The following TBC1D5 variants were observed in gnomAD, a reference collection of about 807,000 sequenced individuals.
TBC1D5 encodes the protein TBC1 domain family, member 5.
In TBC1D5, 75 loss-of-function variants were observed where a neutral mutation model predicts 100.3. The observed-to-expected ratio is 0.75, with a 90% CI of 0.62 to 0.91. TBC1D5 has a LOEUF of 0.91. Ranked by LOEUF, TBC1D5 falls within the 40% of genes least tolerant of loss-of-function variation. TBC1D5 has a pLI of 0.00. For synonymous variants in TBC1D5, 323 were observed against 325.6 expected, an observed-to-expected ratio of 0.99 and a Z score of 0.09; for missense variants, 910 against 942.4, an observed-to-expected ratio of 0.97 and a Z score of 0.45.
chr3:17,174,125 A>G (rs958701378), intron 19 of TBC1D5, among the ~76,000 whole-genome samples: 1 of 152,052 alleles, frequency 6.6e-6, no homozygotes, highest in Non-Finnish European at 1.5e-5. Context: ...CAAACTTACC[A>G]CGTCTAAGCA....
intron 2 of TBC1D5, chr3:17,576,558 A>C (rs1034574539): frequency 1.3e-5 from 2 of 152,024 alleles, no homozygotes; most frequent in African/African-American, 4.8e-5. Context: ...TTCTAAAACA[A>C]AATGGATAAA....
At chr3:17,494,084 G>A (rs1347718746) in intron 3 of TBC1D5, among the ~76,000 whole-genome samples, 1 of 152,134 alleles carries the variant, frequency 6.6e-6, no homozygotes, top group East Asian at 1.9e-4. Context: ...TGAGGCTGTT[G>A]ATCTTTGGAT....
chr3:17,566,511 CT>C (rs1430827626), intron 2 of TBC1D5, among the ~76,000 whole-genome samples: 1 of 151,830 alleles, frequency 6.6e-6, no homozygotes, highest in African/African-American at 2.4e-5. Flanking sequence ...CTTCTGTTTA[CT>C]TTTTGCTATA....
chr3:17,304,193 T>C (rs890843321), intron 14 of TBC1D5, among the ~76,000 whole-genome samples: 1 of 152,142 alleles, frequency 6.6e-6, no homozygotes, highest in African/African-American at 2.4e-5. Context: ...CTATTGCCTC[T>C]GGGCCCTTAT....
chr3:17,700,629 A>T (rs2073013769), intron 1 of TBC1D5, among the ~76,000 whole-genome samples: 1 of 152,170 alleles, frequency 6.6e-6, no homozygotes, highest in South Asian at 2.1e-4. Context: ...AAACAAATTT[A>T]CAAGAAAAAA....
intron 3 of TBC1D5, among the ~76,000 whole-genome samples, chr3:17,487,989 T>G (rs527651034): frequency 2.6e-5 from 4 of 152,330 alleles, no homozygotes; most frequent in African/African-American, 9.6e-5. Context: ...AAATTATTAT[T>G]AAACTCCATA....
chr3:17,406,354 A>G (rs1222643227), intron 5 of TBC1D5, 64 bp downstream of exon 5: 4 of 1,416,996 alleles, frequency 2.8e-6, no homozygotes, highest in Non-Finnish European at 3.9e-6. Flanking sequence ...CTAATCTTCC[A>G]GGGCATCAGG....
chr3:17,442,820 C>T (rs1195213551), intron 3 of TBC1D5, among the ~76,000 whole-genome samples: 1 of 151,508 alleles, frequency 6.6e-6, no homozygotes, highest in Admixed American at 6.6e-5. Flanking sequence ...GTGGTCTGAA[C>T]TTAACTGGAA....
chr3:17,385,153 T>C (rs2093100134), intron 8 of TBC1D5, among the ~76,000 whole-genome samples: 1 of 152,062 alleles, frequency 6.6e-6, no homozygotes, highest in Non-Finnish European at 1.5e-5. Context: ...ACTGATCTTG[T>C]GATCAAGATA....
At chr3:17,301,579 A>G (rs1048170782) in intron 14 of TBC1D5, among the ~76,000 whole-genome samples, 25 of 152,214 alleles carry the variant, frequency 1.6e-4, no homozygotes, top group African/African-American at 5.8e-4. Flanking sequence ...GTACCAAGGA[A>G]GCTCACAATC....
intron 4 of TBC1D5, among the ~76,000 whole-genome samples, chr3:17,407,678 G>A (rs1575744759): frequency 6.6e-6 from 1 of 152,072 alleles, no homozygotes; most frequent in Non-Finnish European, 1.5e-5. Flanking sequence ...CTCCAGAAAA[G>A]AAGTTCCAGA....
chr3:17,652,651 G>A (rs2065688947), intron 1 of TBC1D5, among the ~76,000 whole-genome samples: 1 of 152,136 alleles, frequency 6.6e-6, no homozygotes, highest in African/African-American at 2.4e-5. Context: ...AGTTTAATTA[G>A]AATGACAAAT....
At chr3:17,571,402 T>G (rs2096626331) in intron 2 of TBC1D5, among the ~76,000 whole-genome samples, 1 of 152,006 alleles carries the variant, frequency 6.6e-6, no homozygotes, top group African/African-American at 2.4e-5. Context: ...CTATTAATCT[T>G]AAACTAATAT....
At chr3:17,666,422 A>G (rs867835661) in intron 1 of TBC1D5, among the ~76,000 whole-genome samples, 1 of 152,138 alleles carries the variant, frequency 6.6e-6, no homozygotes, top group South Asian at 2.1e-4. Flanking sequence ...TTTATCTATA[A>G]AGTAACATAC....
At chr3:17,559,219 C>A (rs2096541611) in intron 2 of TBC1D5, among the ~76,000 whole-genome samples, 1 of 152,182 alleles carries the variant, frequency 6.6e-6, no homozygotes, top group African/African-American at 2.4e-5. Flanking sequence ...CGGTTCCCTG[C>A]AACCTCTGCC....
chr3:17,568,730 A>G (rs2096608248), intron 2 of TBC1D5, among the ~76,000 whole-genome samples: 1 of 151,656 alleles, frequency 6.6e-6, no homozygotes, highest in Non-Finnish European at 1.5e-5. Flanking sequence ...GATAACATAT[A>G]TAATATTAAC....
At chr3:17,237,000 TAA>T (rs1364420562) in intron 17 of TBC1D5, among the ~76,000 whole-genome samples, 1 of 152,192 alleles carries the variant, frequency 6.6e-6, no homozygotes, top group Non-Finnish European at 1.5e-5. Flanking sequence ...CCATTTAACT[TAA>T]GTTTACCGAT....
chr3:17,228,090 A>AT (rs2075084331), intron 17 of TBC1D5, among the ~76,000 whole-genome samples: 1 of 152,102 alleles, frequency 6.6e-6, no homozygotes, highest in South Asian at 2.1e-4. Context: ...AGTGAGGATT[A>AT]TAAGGGCTTG....
chr3:17,307,666 A>G (rs1424679923), intron 14 of TBC1D5, among the ~76,000 whole-genome samples: 2 of 152,210 alleles, frequency 1.3e-5, no homozygotes, highest in East Asian at 3.8e-4. Context: ...AGCTCTAAAC[A>G]TATCTCAAAT....
Sources: gnomAD v4.1 joint callset for allele counts (sites outside exome capture counted in the v4.1 genomes callset) on GRCh38, gnomAD v4.1.1 for gene constraint, MANE v1.5 for transcripts, NCBI Gene and HGNC (gene_info 2026-07-23, HGNC 2026-07-21) for gene names.